LRPPRC: variants seen among roughly 807,000 people sequenced by gnomAD.
The protein encoded by LRPPRC is leucine-rich PPR motif-containing protein, mitochondrial.
Under a neutral mutation model 180.3 loss-of-function variants are expected in LRPPRC, and 120 were observed. The ratio of observed to expected loss-of-function variants is 0.67; its 90% CI spans 0.57 to 0.77. The LOEUF is 0.77. Ranked by LOEUF, LRPPRC falls within the 30% of genes least tolerant of loss-of-function variation. The pLI, the probability that LRPPRC is intolerant of heterozygous loss-of-function variation, is 0.00. For synonymous variants in LRPPRC, 723 were observed against 600.0 expected, an observed-to-expected ratio of 1.21 and a Z score of -3.00; for missense variants, 2,012 against 1,657.2, an observed-to-expected ratio of 1.21 and a Z score of -3.72.
rs560739318 is a variant in LRPPRC at position 43,937,845 on chromosome 2, G to A, written c.2505-2967C>T. Among the ~76,000 whole-genome samples the A allele has an allele frequency of 2.2e-3, 328 of 152,178 alleles. 1 individual carries two copies. Among genetic ancestry groups the A allele is most frequent in the African/African-American group, 7.8e-3 (322 of 41,532 alleles). ...CAGTAAGGGAAGCACAATATCAAAA[G>A]GAGAAAGGTAAAAATTGCTTTACAA... On this transcript the variant is annotated intron_variant, in intron 23 of 37. Transcript: ENST00000260665.
chr2:43,908,137 C>G (rs956426474), intron 30 of LRPPRC, among the ~76,000 whole-genome samples: 1 of 151,990 alleles, frequency 6.6e-6, no homozygotes. Context: ...CCAAGAGGAA[C>G]GACAGAAAAT....
intron 20 of LRPPRC, 110 bp from the exon 21 acceptor site, chr2:43,946,353 T>C: frequency 1.2e-6 from 1 of 811,672 alleles, no homozygotes; most frequent in Non-Finnish European, 2.1e-6. Flanking sequence ...ACTTTAAAAA[T>C]AAATGGTTTC....
Position 43,979,963 on chromosome 2 carries a change from T to C in LRPPRC, c.347-15A>G. ...ACCTAGGCCACCTGTGGAAAAAAGG[T>C]TAATGGATAACATTTAACATAGCAG... On this transcript the variant is annotated splice_polypyrimidine_tract_variant and intron_variant, in intron 2 of 37. Transcript: ENST00000260665. The C allele has an allele frequency of 2.5e-6, 4 of 1,612,448 alleles. No homozygotes were observed. In the South Asian group the frequency reaches 4.4e-5, roughly 18 times the overall value.
chr2:43,934,831 T>A lies in LRPPRC; in HGVS notation c.2552A>T (p.Lys851Met). 1 of 1,612,764 alleles carries A rather than the reference T, an allele frequency of 6.2e-7. No individual in the cohort carries two copies. The highest frequency in any genetic ancestry group is 8.5e-7 in the Non-Finnish European group (1 of 1,178,864). ...ATGAATCCTTGGTAATACTTTATAC[T>A]TTTCATAGCAGTCAATGGCGACCTC... ...ALEVAIDCYEKYKVLPRIHDV... is the reference protein window; with the variant it reads ...ALEVAIDCYEMYKVLPRIHDV... Residue 851 changes from lysine to methionine, a missense_variant, in exon 24 of 38, where the codon AAG (lysine) becomes ATG (methionine). By Grantham distance (95) the Lys-to-Met change is moderately conservative. Coordinates refer to ENST00000260665, the MANE Select transcript of LRPPRC (RefSeq NM_133259.4).
Position 43,960,528 on chromosome 2 carries a change from G to A in LRPPRC, c.1582+13C>T, listed in dbSNP as rs143168292. On this transcript the variant is annotated intron_variant, in intron 13 of 37. Coordinates refer to ENST00000260665, the MANE Select transcript of LRPPRC (RefSeq NM_133259.4). ...AACATCTATCAAGTTTACCGCTAAT[G>A]TTGTATACTTACAAAATGATAATAC... 45 of 1,378,188 alleles carry A rather than the reference G, an allele frequency of 3.3e-5. No individual in the cohort carries two copies. In the African/African-American group the frequency reaches 6.0e-4, roughly 18 times the overall value. 85.4% of individuals were successfully genotyped at this position (1,378,188 alleles called of 1,614,324 possible).
In LRPPRC at chr2:43,947,314, T is replaced by A. The variant is rs779301266; in HGVS notation, c.2022A>T (p.Glu674Asp). 1 of 1,607,934 alleles carries A rather than the reference T, an allele frequency of 6.2e-7. No individual in the cohort carries two copies. The highest frequency in any genetic ancestry group is 1.1e-5 in the South Asian group (1 of 90,902). Residue 674 changes from glutamate (E) to aspartate (D), a missense_variant, in exon 20 of 38, where the codon GAA becomes GAT. Transcript: ENST00000260665. Reference sequence around the variant, plus strand: ...TTAGGACATCTCTTATAGGTTGATTTTCAGCTTTTAGTGTTTCAAGTGTGG... The same window carrying A: ...TTAGGACATCTCTTATAGGTTGATTATCAGCTTTTAGTGTTTCAAGTGTGG... Reference protein sequence around the residue: ...LESTLETLKAENQPIRDVLKQ... With the variant: ...LESTLETLKADNQPIRDVLKQ...
At chr2:43,984,557 GAGGA>G (rs1674445521) in intron 1 of LRPPRC, among the ~76,000 whole-genome samples, 1 of 152,184 alleles carries the variant, frequency 6.6e-6, no homozygotes, top group Non-Finnish European at 1.5e-5. Flanking sequence ...AATTGGGATA[GAGGA>G]AGGATTACAT....
chr2:43,956,540 G>C (rs78609830), intron 14 of LRPPRC, among the ~76,000 whole-genome samples: 2,690 of 147,068 alleles, frequency 0.018, 92 homozygotes, highest in African/African-American at 0.063. Context: ...TAGAGAAAGA[G>C]GGTATGAGAG....
At chr2:43,995,524 T>C (rs1675006505) in intron 1 of LRPPRC, among the ~76,000 whole-genome samples, 1 of 152,162 alleles carries the variant, frequency 6.6e-6, no homozygotes, top group South Asian at 2.1e-4. Flanking sequence ...TCGTTGACCA[T>C]GGGTACCCCG....
At chr2:43,957,080 A>AT (rs1673149107) in intron 14 of LRPPRC, among the ~76,000 whole-genome samples, 4 of 152,238 alleles carry the variant, frequency 2.6e-5, no homozygotes, top group Admixed American at 2.6e-4. Flanking sequence ...TGCTCAAAGA[A>AT]TAAGCTGAAC....
chr2:43,982,486 T>A, intron 1 of LRPPRC, 52 bp from the exon 2 acceptor site: 1 of 1,388,518 alleles, frequency 7.2e-7, no homozygotes. Flanking sequence ...ATTTAGGTCA[T>A]TTTTTGAACA....
chr2:43,911,471 G>A (rs758981884), intron 30 of LRPPRC, among the ~76,000 whole-genome samples: 5 of 150,810 alleles, frequency 3.3e-5, no homozygotes, highest in Non-Finnish European at 5.9e-5. Context: ...AAAGTGCTGC[G>A]GACTTAAAAT....
At chr2:43,940,829 C>T (rs867021701) in intron 23 of LRPPRC, among the ~76,000 whole-genome samples, 4 of 152,110 alleles carry the variant, frequency 2.6e-5, no homozygotes, top group Non-Finnish European at 4.4e-5. Context: ...GCATTTCTTT[C>T]TTCCTTAATG....
chr2:43,934,749 C>T lies in LRPPRC; in HGVS notation c.2629+5G>A. Reference sequence around the variant, plus strand: ...ACTACATTAAGATACTAGAAAGTGACTCACCTTTCTGAATTAGATCAGTCT... The same window carrying T: ...ACTACATTAAGATACTAGAAAGTGATTCACCTTTCTGAATTAGATCAGTCT... On this transcript the variant is annotated splice_donor_5th_base_variant and intron_variant, in intron 24 of 37. Transcript: ENST00000260665. 1 of 1,611,600 alleles carries T rather than the reference C, an allele frequency of 6.2e-7. No individual in the cohort carries two copies. Among genetic ancestry groups the T allele is most frequent in the Non-Finnish European group, 8.5e-7 (1 of 1,177,872 alleles).
At chr2:43,969,836 G>A (rs561015515) in intron 11 of LRPPRC, among the ~76,000 whole-genome samples, 60 of 151,924 alleles carry the variant, frequency 3.9e-4, no homozygotes, top group African/African-American at 1.3e-3. Flanking sequence ...CACCTCGCTC[G>A]GCTAATTTTT....
rs1670296193 is a variant in LRPPRC at position 43,887,142 on chromosome 2, T to TAAAAAAAAAAAAAAAAAAAAAAAAAAAA, written c.*1457_*1458insTTTTTTTTTTTTTTTTTTTTTTTTTTTT. On this transcript the variant is annotated 3_prime_UTR_variant, in exon 38 of 38. Coordinates refer to ENST00000260665, the MANE Select transcript of LRPPRC (RefSeq NM_133259.4). The stretch of plus-strand genomic sequence containing the variant: ...GCTTAAGCAACAGAGCAAGACTATC[T>TAAAAAAAAAAAAAAAAAAAAAAAAAAAA]CAAAAAAAAAAAAAAAAAAAAAGAT... 3.9e-5 allele frequency: 1 copy of TAAAAAAAAAAAAAAAAAAAAAAAAAAAA among 25,776 alleles called. No homozygotes were observed. Among genetic ancestry groups the TAAAAAAAAAAAAAAAAAAAAAAAAAAAA allele is most frequent in the Admixed American group, 4.9e-4 (1 of 2,032 alleles). 1.6% of individuals were successfully genotyped at this position (25,776 alleles called of 1,614,324 possible).
intron 23 of LRPPRC, among the ~76,000 whole-genome samples, chr2:43,941,560 G>A (rs1258746023): frequency 6.6e-6 from 1 of 152,136 alleles, no homozygotes; most frequent in Non-Finnish European, 1.5e-5. Flanking sequence ...TGGCAGGCTA[G>A]TGTGGTTAAT....
intron 26 of LRPPRC, 51 bp from the exon 27 acceptor site, chr2:43,925,208 T>C (rs1671834357): frequency 1.1e-6 from 1 of 949,582 alleles, no homozygotes; most frequent in African/African-American, 1.6e-5. Context: ...GGATGTATTT[T>C]ACAGTTAACA....
At position 43,950,622 on chromosome 2, in the gene LRPPRC, C is replaced by T. The variant is rs370341970; in HGVS notation, c.1650-22G>A. ...AGACCTGCAGAGGGCAGCAAAGGAT[C>T]GAAAATAAACCCAGGTTTATTTTCA... On this transcript the variant is annotated intron_variant, in intron 14 of 37. Transcript: ENST00000260665. 16 of 1,604,630 alleles carry T rather than the reference C, an allele frequency of 1.0e-5. No homozygotes were observed. In the South Asian group the frequency reaches 1.1e-4, roughly 11 times the overall value.
Sources: allele counts gnomAD v4.1 joint callset (sites outside exome capture counted in the v4.1 genomes callset), GRCh38; gene constraint gnomAD v4.1.1; transcripts MANE v1.5; gene names NCBI Gene and HGNC (gene_info 2026-07-23, HGNC 2026-07-21).